AKAIN1: variants seen among roughly 807,000 people sequenced by gnomAD.
The protein encoded by AKAIN1 is A-kinase anchor inhibitor 1, also known as A-kinase anchor protein inhibitor 1.
AKAIN1 carries 3 observed loss-of-function variants against 3.7 expected under a neutral mutation model. The observed-to-expected ratio is 0.82, with a 90% CI of 0.37 to 2.12. The LOEUF (loss-of-function observed/expected upper bound fraction) is 2.12. AKAIN1 is among the 30% of genes most tolerant of loss of function. AKAIN1 has a pLI of 0.06. For missense variants in AKAIN1, 82 were observed against 82.7 expected (o/e 0.99, Z 0.03); for synonymous variants, 31 against 30.8 (o/e 1.01, Z -0.02).
chr18:5,180,925 T>C lies in AKAIN1; in HGVS notation c.16+16113A>G, dbSNP rs559542888. ...ACAGACTCATTATACTTGTCCAGAATAGAGATATTACATTCATAATTTCAT... is the reference window on the plus strand; with the variant it reads ...ACAGACTCATTATACTTGTCCAGAACAGAGATATTACATTCATAATTTCAT... On this transcript the variant is annotated intron_variant, in intron 1 of 1. Coordinates refer to ENST00000434239, the MANE Select transcript of AKAIN1 (RefSeq NM_001145194.2). 8.5e-5 allele frequency among the ~76,000 whole-genome samples: 13 copies of C among 152,134 alleles called. No individual in the cohort carries two copies. The South Asian group carries it at 2.7e-3, about 32-fold the overall frequency.
intron 1 of AKAIN1, among the ~76,000 whole-genome samples, chr18:5,196,660 C>G (rs2071349655): frequency 6.6e-6 from 1 of 152,200 alleles, no homozygotes. Flanking sequence ...AGGGAGATTC[C>G]CACGCAAGTA....
intron 1 of AKAIN1, among the ~76,000 whole-genome samples, chr18:5,179,812 C>T (rs1401031928): frequency 6.6e-6 from 1 of 152,130 alleles, no homozygotes; most frequent in South Asian, 2.1e-4. Context: ...ATGCTCCTTC[C>T]TCGAGGACAT....
chr18:5,190,584 C>T (rs967748460), intron 1 of AKAIN1, among the ~76,000 whole-genome samples: 5 of 152,080 alleles, frequency 3.3e-5, no homozygotes, highest in African/African-American at 4.8e-5. Context: ...GAAAAATTCA[C>T]ATCATTTTCT....
intron 1 of AKAIN1, among the ~76,000 whole-genome samples, chr18:5,173,757 A>G (rs911950338): frequency 6.6e-6 from 1 of 152,144 alleles, no homozygotes; most frequent in East Asian, 1.9e-4. Flanking sequence ...TGATCTCTAA[A>G]CACTCTGTTG....
At chr18:5,145,894 G>C (rs2071046736) in intron 1 of AKAIN1, 139 bp from the exon 2 acceptor site, 1 of 670,724 alleles carries the variant, frequency 1.5e-6, no homozygotes, top group Non-Finnish European at 2.5e-6. Context: ...ACTATGAGAA[G>C]CCCACTAGAG....
chr18:5,173,530 C>T (rs2071209392), intron 1 of AKAIN1, among the ~76,000 whole-genome samples: 1 of 152,130 alleles, frequency 6.6e-6, no homozygotes, highest in South Asian at 2.1e-4. Context: ...GTCAAGACAA[C>T]TGGTGGGGTG....
chr18:5,148,510 G>A (rs2143306585), intron 1 of AKAIN1, among the ~76,000 whole-genome samples: 1 of 152,308 alleles, frequency 6.6e-6, no homozygotes, highest in South Asian at 2.1e-4. Flanking sequence ...GCTTAGCTAT[G>A]TGGGAGGCTA....
chr18:5,185,883 G>A (rs1211066201), intron 1 of AKAIN1, among the ~76,000 whole-genome samples: 1 of 152,166 alleles, frequency 6.6e-6, no homozygotes, highest in Non-Finnish European at 1.5e-5. Context: ...GCAGGTGTAT[G>A]TTTATCACAG....
intron 1 of AKAIN1, among the ~76,000 whole-genome samples, chr18:5,149,671 C>A (rs117435670): frequency 6.6e-6 from 1 of 152,146 alleles, no homozygotes; most frequent in African/African-American, 2.4e-5. Flanking sequence ...CTGTACATAT[C>A]TCCTTCCCTC....
intron 1 of AKAIN1, among the ~76,000 whole-genome samples, chr18:5,182,765 C>A (rs936677130): frequency 1.3e-5 from 2 of 152,072 alleles, no homozygotes; most frequent in Non-Finnish European, 2.9e-5. Flanking sequence ...TCTTCTTAGT[C>A]TTCTAGACAA....
At chr18:5,177,179 C>T (rs1257150751) in intron 1 of AKAIN1, among the ~76,000 whole-genome samples, 1 of 152,116 alleles carries the variant, frequency 6.6e-6, no homozygotes, top group African/African-American at 2.4e-5. Flanking sequence ...ATCTTAAATG[C>T]AAATTGTAAC....
At chr18:5,164,163 A>C (rs564799020) in intron 1 of AKAIN1, among the ~76,000 whole-genome samples, 1 of 152,222 alleles carries the variant, frequency 6.6e-6, no homozygotes, top group African/African-American at 2.4e-5. Context: ...GTGATATTTG[A>C]ATTTAAAATG....
chr18:5,162,151 G>A (rs1278694961), intron 1 of AKAIN1, among the ~76,000 whole-genome samples: 2 of 152,124 alleles, frequency 1.3e-5, no homozygotes, highest in African/African-American at 2.4e-5. Context: ...TGATACAGTT[G>A]CATGGCCACA....
chr18:5,188,526 C>T (rs2071300535), intron 1 of AKAIN1, among the ~76,000 whole-genome samples: 1 of 152,020 alleles, frequency 6.6e-6, no homozygotes, highest in Admixed American at 6.6e-5. Flanking sequence ...TCCCCCTGAG[C>T]CCCTTTACAC....
At chr18:5,178,730 T>C (rs1257809375) in intron 1 of AKAIN1, among the ~76,000 whole-genome samples, 3 of 152,112 alleles carry the variant, frequency 2.0e-5, no homozygotes, top group Non-Finnish European at 4.4e-5. Context: ...CACAGTCAAC[T>C]TCCTGGAGAG....
chr18:5,166,927 A>G (rs2071170890), intron 1 of AKAIN1, among the ~76,000 whole-genome samples: 1 of 152,088 alleles, frequency 6.6e-6, no homozygotes. Flanking sequence ...AAAATATTGC[A>G]CATAGTTGGC....
intron 1 of AKAIN1, among the ~76,000 whole-genome samples, chr18:5,152,783 CA>C (rs2143314260): frequency 6.6e-6 from 1 of 152,300 alleles, no homozygotes; most frequent in Admixed American, 6.5e-5. Flanking sequence ...ATCTGCGTAA[CA>C]AAAGCAGGGC....
At position 5,145,695 on chromosome 18, in the gene AKAIN1, A is replaced by C. The variant is rs768068415; in HGVS notation, c.77T>G (p.Val26Gly). Residue 26 changes from valine (V) to glycine (G), a missense_variant, in exon 2 of 2, where the codon GTG becomes GGG. Coordinates refer to ENST00000434239, the MANE Select transcript of AKAIN1 (RefSeq NM_001145194.2). ...VKLQNASKQI[V>G]QNAILQAVQQ... ...CACAGCTTGCAGGATTGCATTCTGC[A>C]CAATCTGTTTGCTGGCATTCTGCAG... is the stretch of plus-strand genomic sequence containing the variant. 13 of 1,551,652 alleles carry C rather than the reference A, an allele frequency of 8.4e-6. No individual in the cohort carries two copies. The East Asian group carries it at 1.5e-4, about 18-fold the overall frequency.
chr18:5,181,326 G>T (rs2071257246), intron 1 of AKAIN1, among the ~76,000 whole-genome samples: 1 of 151,990 alleles, frequency 6.6e-6, no homozygotes. Flanking sequence ...TTTTTTAAAG[G>T]AATTGAGAGA....
Sources: gnomAD v4.1 joint callset for allele counts (sites outside exome capture counted in the v4.1 genomes callset) on GRCh38, gnomAD v4.1.1 for gene constraint, MANE v1.5 for transcripts, NCBI Gene and HGNC (gene_info 2026-07-23, HGNC 2026-07-21) for gene names.